The following KLHDC10 variants were observed in gnomAD, a reference collection of about 807,000 sequenced individuals.
KLHDC10 encodes the protein kelch domain-containing protein 10.
Under a neutral mutation model 56.1 loss-of-function variants are expected in KLHDC10, and 24 were observed. The ratio of observed to expected loss-of-function variants is 0.43; its 90% confidence interval spans 0.31 to 0.60. The LOEUF (loss-of-function observed/expected upper bound fraction) is 0.60, where lower values mean the gene tolerates loss of function less well. Ranked by LOEUF, KLHDC10 falls within the 20% of genes least tolerant of loss-of-function variation. The pLI is 0.11. For synonymous variants in KLHDC10, 188 were observed against 207.1 expected, an observed-to-expected ratio of 0.91 and a Z score of 0.79; for missense variants, 349 against 567.0, an observed-to-expected ratio of 0.62 and a Z score of 3.91.
intron 1 of KLHDC10, among the ~76,000 whole-genome samples, chr7:130,077,924 A>G (rs1484081392): frequency 6.6e-6 from 1 of 152,046 alleles, no homozygotes; most frequent in Non-Finnish European, 1.5e-5. Flanking sequence ...AATTTTGAGT[A>G]TTAATTTTAT....
At position 130,070,544 on chromosome 7, in the gene KLHDC10, C is replaced by T. The variant is rs1178990126; in HGVS notation, c.-100C>T. ...GTGGGACCGGGCGCTGCCCCCTTCC[C>T]CTGTCTCCTGGGTCTCTGGAGGAGC... is the stretch of plus-strand genomic sequence containing the variant. On this transcript the variant is annotated 5_prime_UTR_variant, in exon 1 of 10. Coordinates refer to ENST00000335420, the MANE Select transcript of KLHDC10 (RefSeq NM_014997.4). 3 of 1,158,878 alleles carry T rather than the reference C, an allele frequency of 2.6e-6. No homozygotes were observed. The highest frequency in any genetic ancestry group is 1.6e-5 in the African/African-American group (1 of 63,602). 71.8% of individuals were successfully genotyped at this position (1,158,878 alleles called of 1,614,324 possible).
At chr7:130,126,627 G>T (rs1759929531) in intron 7 of KLHDC10, among the ~76,000 whole-genome samples, 1 of 152,068 alleles carries the variant, frequency 6.6e-6, no homozygotes, top group African/African-American at 2.4e-5. Flanking sequence ...AGTGAGCCAA[G>T]ATCACGCCAC....
At chr7:130,121,900 T>C (rs930388264) in intron 4 of KLHDC10, among the ~76,000 whole-genome samples, 154 bp from the exon 5 acceptor site, 1 of 152,198 alleles carries the variant, frequency 6.6e-6, no homozygotes, top group Non-Finnish European at 1.5e-5. Context: ...ATCTCTGGGT[T>C]CTCTAAAATC....
In KLHDC10 at chr7:130,119,904, A is replaced by G. The variant is rs117621860; in HGVS notation, c.476-845A>G. Reference sequence around the variant, plus strand: ...ATAGGAGCACTATTTTGAGAGAGAGAAAGAGCATATGTATGAGTGAAGAGA... The same window carrying G: ...ATAGGAGCACTATTTTGAGAGAGAGGAAGAGCATATGTATGAGTGAAGAGA... On this transcript the variant is annotated intron_variant, in intron 3 of 9. Transcript: ENST00000335420. Among the ~76,000 whole-genome samples the G allele has an allele frequency of 8.6e-4, 130 of 151,894 alleles. 3 individuals are homozygous for G. In the East Asian group the frequency reaches 0.015, roughly 18 times the overall value.
chr7:130,108,868 A>G (rs1485898136), intron 2 of KLHDC10, among the ~76,000 whole-genome samples: 3 of 151,932 alleles, frequency 2.0e-5, no homozygotes, highest in Non-Finnish European at 2.9e-5. Flanking sequence ...ACGCACATAC[A>G]TATTTTTCTG....
rs1796406168 is a variant in KLHDC10 at position 130,131,879 on chromosome 7, C to T, written c.*1133C>T. 2 of 152,098 alleles carry T rather than the reference C, an allele frequency of 1.3e-5. No homozygotes were observed. The highest frequency in any genetic ancestry group is 4.8e-5 in the African/African-American group (2 of 41,416). The allele number at this position is 152,098 out of a possible 1,614,324, so 9.4% of individuals were successfully genotyped here. A position where few individuals can be genotyped will look rare whatever the true frequency, so the allele number is the denominator to read the frequency against. On this transcript the variant is annotated 3_prime_UTR_variant, in exon 10 of 10. Transcript: ENST00000335420. ...CTTAGCTTGTTGCCTTCTTTTCCGT[C>T]TGCTTTAATGTGCATGGTGCTGTGA...
intron 1 of KLHDC10, among the ~76,000 whole-genome samples, chr7:130,079,251 T>G (rs1795564505): frequency 6.6e-6 from 1 of 151,940 alleles, no homozygotes. Flanking sequence ...AGAGACAGGG[T>G]TTCACCATGT....
chr7:130,078,230 C>T (rs956012760), intron 1 of KLHDC10, among the ~76,000 whole-genome samples: 1 of 151,612 alleles, frequency 6.6e-6, no homozygotes, highest in Non-Finnish European at 1.5e-5. Flanking sequence ...AAAAATTAGC[C>T]GGATGTGGTA....
chr7:130,108,831 C>G (rs1030920594), intron 2 of KLHDC10, among the ~76,000 whole-genome samples: 5 of 152,106 alleles, frequency 3.3e-5, no homozygotes, highest in African/African-American at 9.7e-5. Flanking sequence ...TCCCTCTCCT[C>G]TCTCCCTTCC....
chr7:130,128,541 C>T (rs1033558952), intron 8 of KLHDC10, among the ~76,000 whole-genome samples: 3 of 151,964 alleles, frequency 2.0e-5, no homozygotes, highest in Non-Finnish European at 4.4e-5. Flanking sequence ...CTCTTCTCGC[C>T]GAAGAAAGCT....
intron 1 of KLHDC10, among the ~76,000 whole-genome samples, chr7:130,089,335 C>T (rs1489617135): frequency 6.6e-6 from 1 of 152,078 alleles, no homozygotes; most frequent in Non-Finnish European, 1.5e-5. Flanking sequence ...TGGCACATGC[C>T]TGTTGTCTCC....
Position 130,120,675 on chromosome 7 carries a change from G to T in KLHDC10, c.476-74G>T, listed in dbSNP as rs1796235965. On this transcript the variant is annotated intron_variant, in intron 3 of 9. Transcript: ENST00000335420. The surrounding 1 kb of genome is among the most constrained non-coding windows in gnomAD (Gnocchi z 5.1). ...TAAAGCAGATATGTGTAGCTTCTCA[G>T]ATATTCTGGGTTTATGTGGGAACAA... The T allele has an allele frequency of 6.6e-7, 1 of 1,507,482 alleles. No homozygotes were observed. Among genetic ancestry groups the T allele is most frequent in the Admixed American group, 1.7e-5 (1 of 57,894 alleles). 93.4% of individuals were successfully genotyped at this position (1,507,482 alleles called of 1,614,324 possible). A position where few individuals can be genotyped will look rare whatever the true frequency, so the allele number is the denominator to read the frequency against.
intron 1 of KLHDC10, among the ~76,000 whole-genome samples, chr7:130,083,776 T>G (rs943251893): frequency 6.6e-6 from 1 of 152,172 alleles, no homozygotes; most frequent in African/African-American, 2.4e-5. Context: ...AAATGACTTA[T>G]GTGTGTCAAG....
chr7:130,093,690 C>T (rs993522467), intron 1 of KLHDC10, among the ~76,000 whole-genome samples: 19 of 152,096 alleles, frequency 1.2e-4, no homozygotes, highest in African/African-American at 3.6e-4. Flanking sequence ...TTTGTGTTGG[C>T]GTCACACTGT....
chr7:130,104,610 G>A (rs1045002155), intron 2 of KLHDC10, among the ~76,000 whole-genome samples: 1 of 152,164 alleles, frequency 6.6e-6, no homozygotes, highest in East Asian at 1.9e-4. Context: ...TAAAGAAGAG[G>A]TTTAATTGAC....
intron 1 of KLHDC10, among the ~76,000 whole-genome samples, chr7:130,077,478 T>C (rs1795527587): frequency 6.6e-6 from 1 of 151,086 alleles, no homozygotes; most frequent in African/African-American, 2.4e-5. Context: ...TTTCTTATTA[T>C]GTTTATTCCT....
intron 3 of KLHDC10, among the ~76,000 whole-genome samples, chr7:130,117,861 A>G (rs1396032585): frequency 1.3e-5 from 2 of 149,204 alleles, no homozygotes; most frequent in South Asian, 2.1e-4. Flanking sequence ...AAAAAAAAAA[A>G]AAAAAAAAAA....
chr7:130,114,233 A>G (rs1796138532), intron 2 of KLHDC10, among the ~76,000 whole-genome samples: 1 of 152,226 alleles, frequency 6.6e-6, no homozygotes, highest in Non-Finnish European at 1.5e-5. Flanking sequence ...GAAAAGAAAA[A>G]CAAACTGACA....
chr7:130,093,955 ACT>A (rs1200641359), intron 1 of KLHDC10, among the ~76,000 whole-genome samples: 1 of 151,966 alleles, frequency 6.6e-6, no homozygotes, highest in Non-Finnish European at 1.5e-5. Flanking sequence ...ACAGAGTCTC[ACT>A]CTGTCGCCCA....
Sources: gnomAD v4.1 joint callset for allele counts (sites outside exome capture counted in the v4.1 genomes callset) on GRCh38, gnomAD v4.1.1 for gene constraint, Gnocchi (gnomAD v3.1) non-coding constraint, MANE v1.5 for transcripts, NCBI Gene and HGNC (gene_info 2026-07-23, HGNC 2026-07-21) for gene names.